The following ZNF800 variants were observed in gnomAD, a reference collection of about 807,000 sequenced individuals.
ZNF800 encodes the protein zinc finger protein 800.
Under a neutral mutation model 59.5 loss-of-function variants are expected in ZNF800, and 13 were observed. That is an observed-to-expected ratio of 0.22 (90% CI 0.14 to 0.35). The LOEUF (loss-of-function observed/expected upper bound fraction) is 0.35. ZNF800 is among the 10% of genes least tolerant of loss of function. The pLI is 1.00. For missense variants in ZNF800, 621 were observed against 783.7 expected, an observed-to-expected ratio of 0.79 and a Z score of 2.48; for synonymous variants, 266 against 265.7, an observed-to-expected ratio of 1.00 and a Z score of -0.01.
At chr7:127,382,051 C>T (rs576684198) in intron 3 of ZNF800, among the ~76,000 whole-genome samples, 1 of 152,228 alleles carries the variant, frequency 6.6e-6, no homozygotes, top group South Asian at 2.1e-4. Flanking sequence ...TTTATTCCTC[C>T]CTAAGAGTCA....
Position 127,374,293 on chromosome 7 carries a change from G to C in ZNF800, c.1043C>G (p.Ser348Cys), listed in dbSNP as rs201908392. Residue 348 changes from serine (S) to cysteine (C), a missense_variant, in exon 5 of 6, where the codon TCT becomes TGT. By Grantham distance (112) the Ser-to-Cys change is moderately radical. Coordinates refer to ENST00000265827, the MANE Select transcript of ZNF800 (RefSeq NM_176814.5). ...TAAATTGTATTCAGCCTTTGAAGAA[G>C]ACTTTTGTTTTCGAGTCTTAAAAGA... ...KKSFKTRKQKSSSKAEYNLTA... is the reference protein window; with the variant it reads ...KKSFKTRKQKCSSKAEYNLTA... 1 of 1,613,342 alleles carries C rather than the reference G, an allele frequency of 6.2e-7. No individual in the cohort carries two copies. Among genetic ancestry groups the C allele is most frequent in the Non-Finnish European group, 8.5e-7 (1 of 1,179,818 alleles).
chr7:127,348,495 C>A (rs76856658), intron 1 of ZNF800, among the ~76,000 whole-genome samples: 2,947 of 149,750 alleles, frequency 0.02, 104 homozygotes, highest in African/African-American at 0.068. Flanking sequence ...TAGTCTTTTT[C>A]TTACAGCGAA....
At chr7:127,390,864 T>C (rs1189002225) in intron 2 of ZNF800, among the ~76,000 whole-genome samples, 1 of 152,222 alleles carries the variant, frequency 6.6e-6, no homozygotes, top group Non-Finnish European at 1.5e-5. Flanking sequence ...AACTTTTTCA[T>C]ATGATAAATT....
intron 1 of ZNF800, among the ~76,000 whole-genome samples, chr7:127,354,479 T>C (rs906449841): frequency 2.0e-4 from 30 of 151,688 alleles, no homozygotes; most frequent in Middle Eastern, 6.8e-3. Context: ...CATTGTTAAG[T>C]AAAAAAAAGC....
rs1445924136 is a variant in ZNF800 at position 127,374,186 on chromosome 7, T to C, written c.1150A>G (p.Ile384Val). Residue 384 changes from isoleucine (I) to valine (V), a missense_variant, in exon 5 of 6, where the codon ATA (isoleucine) becomes GTA (valine). Around this residue, in one of 7 missense-constraint regions of ZNF800, gnomAD observed 185 missense variants for 177.6 expected, o/e 1.04. Coordinates refer to ENST00000265827, the MANE Select transcript of ZNF800 (RefSeq NM_176814.5). ...LKRHMQIVHK[I>V]TLSGTNSKRE... ...TTAGAGTTTGTTCCAGAAAGAGTTA[T>C]CTTGTGGACAATTTGCATATGTCTT... The C allele has an allele frequency of 1.2e-6, 2 of 1,614,144 alleles. No individual in the cohort carries two copies. Among genetic ancestry groups the C allele is most frequent in the Middle Eastern group, 1.7e-4 (1 of 6,056 alleles).
At chr7:127,387,522 T>A (rs1292456839) in intron 2 of ZNF800, among the ~76,000 whole-genome samples, 2 of 152,182 alleles carry the variant, frequency 1.3e-5, no homozygotes, top group Non-Finnish European at 2.9e-5. Flanking sequence ...AGAGGAATGA[T>A]GTTTTGGGAC....
chr7:127,391,658 T>TG (rs1801322253), intron 1 of ZNF800, 43 bp from the exon 2 acceptor site: 6 of 1,020,042 alleles, frequency 5.9e-6, no homozygotes, highest in South Asian at 4.0e-5. Flanking sequence ...CTGAACTTCC[T>TG]GGGGGGCACT....
In ZNF800 at chr7:127,374,636, G is replaced by C; in HGVS notation, c.700C>G (p.Leu234Val). The C allele has an allele frequency of 1.2e-6, 2 of 1,614,054 alleles. No homozygotes were observed. The highest frequency in any genetic ancestry group is 1.7e-6 in the Non-Finnish European group (2 of 1,179,956). ...SDFGHQLICC[L>V]CRKEFNSRRG... is the part of the protein sequence containing the mutation. Reference sequence around the variant, plus strand: ...CTAGAATTGAATTCTTTTCTACAAAGACAACATATCAACTGGTGACCAAAA... The same window carrying C: ...CTAGAATTGAATTCTTTTCTACAAACACAACATATCAACTGGTGACCAAAA... The change falls in exon 5 of 6, where the codon CTT becomes GTT. Residue 234 changes from leucine (L) to valine (V), a missense_variant. Leu to Val is a conservative substitution (Grantham distance 32). Transcript: ENST00000265827.
intron 1 of ZNF800, 143 bp from the exon 2 acceptor site, chr7:127,391,758 C>A: frequency 1.6e-6 from 1 of 623,004 alleles, no homozygotes. Context: ...AACAGAAAGA[C>A]GCACAAACCC....
At position 127,377,046 on chromosome 7, in the gene ZNF800, T is replaced by G. The variant is rs892005102; in HGVS notation, c.301+140A>C. On this transcript the variant is annotated intron_variant, in intron 4 of 5. Coordinates refer to ENST00000265827, the MANE Select transcript of ZNF800 (RefSeq NM_176814.5). This position sits in a 1 kb window ranked among gnomAD's most constrained non-coding sequence, Gnocchi z 4.7. Reference sequence around the variant, plus strand: ...GTCAAGTATTTAATTTTATTCTCCATCTCCATCTAAAAATTATCTGTAACT... The same window carrying G: ...GTCAAGTATTTAATTTTATTCTCCAGCTCCATCTAAAAATTATCTGTAACT... The G allele has an allele frequency of 1.5e-5, 11 of 724,992 alleles. No individual in the cohort carries two copies. The African/African-American group carries it at 2.0e-4, about 13-fold the overall frequency. 44.9% of individuals were successfully genotyped at this position (724,992 alleles called of 1,614,324 possible).
chr7:127,387,174 G>A (rs1238227208), intron 2 of ZNF800, among the ~76,000 whole-genome samples: 1 of 152,088 alleles, frequency 6.6e-6, no homozygotes, highest in African/African-American at 2.4e-5. Context: ...ACAGTAATAT[G>A]AATAAAGACA....
intron 1 of ZNF800, chr7:127,364,496 G>C (rs1800462113): frequency 6.6e-6 from 1 of 152,128 alleles, no homozygotes; most frequent in African/African-American, 2.4e-5. Context: ...GACAGAATCA[G>C]TACTAAAACA....
At chr7:127,387,906 GATTA>G (rs756323055) in intron 2 of ZNF800, among the ~76,000 whole-genome samples, 36 of 133,948 alleles carry the variant, frequency 2.7e-4, no homozygotes, top group African/African-American at 7.5e-4. Context: ...GTGTATTTTA[GATTA>G]ATTAAGAACA....
At position 127,391,215 on chromosome 7, in the gene ZNF800, A is replaced by G. The variant is rs1320312821; in HGVS notation, c.61+282T>C. Among the ~76,000 whole-genome samples, 4 of 152,194 alleles carry G rather than the reference A, an allele frequency of 2.6e-5. No individual in the cohort carries two copies. In the East Asian group the frequency reaches 7.7e-4, roughly 29 times the overall value. ...TTAAACATTTACAGACCATAGGAGT[A>G]TATTAACTGCAGGATGCCTTGAAAA... On this transcript the variant is annotated intron_variant, in intron 2 of 5. Transcript: ENST00000265827.
chr7:127,345,934 G>A (rs1448657911), downstream of ZNF800, among the ~76,000 whole-genome samples: 1 of 152,146 alleles, frequency 6.6e-6, no homozygotes, highest in Non-Finnish European at 1.5e-5. Flanking sequence ...CACGAGGGAA[G>A]GTGTGGTTAA....
chr7:127,347,407 G>A (rs1056526135), exon 2 of ZNF800: 2 of 148,140 alleles, frequency 1.4e-5, no homozygotes, highest in African/African-American at 2.5e-5. Context: ...TGGGCGGGGG[G>A]AAACTAGTTT....
At chr7:127,345,513 G>A (rs1293239957), downstream of ZNF800, among the ~76,000 whole-genome samples, 2 of 152,110 alleles carry the variant, frequency 1.3e-5, no homozygotes, top group Non-Finnish European at 2.9e-5. Flanking sequence ...GAGAGAGGGT[G>A]GCTGTGAAAA....
At chr7:127,386,908 T>C (rs544179236) in intron 2 of ZNF800, among the ~76,000 whole-genome samples, 1 of 152,096 alleles carries the variant, frequency 6.6e-6, no homozygotes, top group South Asian at 2.1e-4. Flanking sequence ...CATTGGTAGA[T>C]GCAGAAATAT....
downstream of ZNF800, among the ~76,000 whole-genome samples, chr7:127,365,548 CCAAAACAAAA>C (rs140079334): frequency 6.6e-6 from 1 of 151,940 alleles, no homozygotes; most frequent in Non-Finnish European, 1.5e-5. Flanking sequence ...CTAATGTTTA[CCAAAACAAAA>C]CAAAACAAAA....
Sources: gnomAD v4.1 joint callset for allele counts (sites outside exome capture counted in the v4.1 genomes callset) on GRCh38, gnomAD v4.1.1 for gene constraint, gnomAD v4.1.1 regional missense constraint, Gnocchi (gnomAD v3.1) non-coding constraint, MANE v1.5 for transcripts, NCBI Gene and HGNC (gene_info 2026-07-23, HGNC 2026-07-21) for gene names.